CTNNA3: variants seen among roughly 807,000 people sequenced by gnomAD.
CTNNA3 encodes the protein catenin alpha-3.
A neutral mutation model predicts 95.7 loss-of-function variants in CTNNA3; 76 were observed. The ratio of observed to expected loss-of-function variants is 0.79; its 90% CI spans 0.66 to 0.96. CTNNA3 has a LOEUF of 0.96. Ranked by LOEUF, CTNNA3 falls within the 40% of genes least tolerant of loss-of-function variation. CTNNA3 has a pLI of 0.00. For missense variants in CTNNA3, 1,191 were observed against 1,089.8 expected (o/e 1.09, Z -1.31); for synonymous variants, 431 against 374.4 (o/e 1.15, Z -1.74).
chr10:66,129,354 G>A (rs137977557), intron 13 of CTNNA3, among the ~76,000 whole-genome samples: 1 of 152,302 alleles, frequency 6.6e-6, no homozygotes, highest in East Asian at 1.9e-4. Context: ...CTGGCAGGAT[G>A]AAATTCCTCA....
At chr10:66,000,509 T>A (rs986422404) in intron 15 of CTNNA3, among the ~76,000 whole-genome samples, 4 of 152,178 alleles carry the variant, frequency 2.6e-5, no homozygotes, top group African/African-American at 9.6e-5. Context: ...AACAGAAAGT[T>A]TAATTATATT....
intron 12 of CTNNA3, among the ~76,000 whole-genome samples, chr10:66,367,222 T>C (rs187590250): frequency 1.3e-5 from 2 of 152,206 alleles, no homozygotes; most frequent in East Asian, 3.9e-4. Flanking sequence ...CCCCTAAACA[T>C]TGTAAACAAG....
chr10:66,884,478 C>T (rs927039093), intron 7 of CTNNA3, among the ~76,000 whole-genome samples: 1 of 152,184 alleles, frequency 6.6e-6, no homozygotes, highest in South Asian at 2.1e-4. Flanking sequence ...ATTTCACAAA[C>T]CCCATGGGGA....
rs138500276 is a variant in CTNNA3, at chr10:66,309,502, C to A, written c.1733-28881G>T. Among the ~76,000 whole-genome samples, 3 of 151,214 alleles carry A rather than the reference C, an allele frequency of 2.0e-5. No homozygotes were observed. The East Asian group carries it at 5.9e-4, about 30-fold the overall frequency. On this transcript the variant is annotated intron_variant, in intron 12 of 17. Coordinates refer to ENST00000433211, the MANE Select transcript of CTNNA3 (RefSeq NM_013266.4). Reference sequence around the variant, plus strand: ...GGTCAGGAGATCGAGACCATCCTGGCTAACACTGTGAAACCCCATCTACCA... The same window carrying A: ...GGTCAGGAGATCGAGACCATCCTGGATAACACTGTGAAACCCCATCTACCA...
At chr10:67,755,000 C>A (rs550105062) in intron 1 of CTNNA3, among the ~76,000 whole-genome samples, 1 of 152,030 alleles carries the variant, frequency 6.6e-6, no homozygotes, top group African/African-American at 2.4e-5. Flanking sequence ...AAGTTTGAGA[C>A]CAGCCTGGAA....
chr10:66,342,054 C>G (rs543531302), intron 12 of CTNNA3, among the ~76,000 whole-genome samples: 5 of 151,968 alleles, frequency 3.3e-5, no homozygotes, highest in African/African-American at 1.2e-4. Context: ...ATAACTTACA[C>G]AAGATCACAC....
chr10:67,471,252 A>G (rs1847811300), intron 5 of CTNNA3, among the ~76,000 whole-genome samples: 1 of 152,222 alleles, frequency 6.6e-6, no homozygotes, highest in South Asian at 2.1e-4. Context: ...TTTAAACACA[A>G]TATAACAACC....
In CTNNA3 at chr10:67,237,143, T is replaced by C. The variant is rs1357822021; in HGVS notation, c.580-17273A>G. On this transcript the variant is annotated intron_variant, in intron 5 of 17. Coordinates refer to ENST00000433211, the MANE Select transcript of CTNNA3 (RefSeq NM_013266.4). ...TGGTGTATGTATATATATATATATA[T>C]ATATATATATATATATATATATATA... 0.013 allele frequency among the ~76,000 whole-genome samples: 860 copies of C among 68,536 alleles called. 88 individuals are homozygous for C. The East Asian group carries it at 0.14, about 11-fold the overall frequency. 45.0% of individuals were successfully genotyped at this position (68,536 alleles called of 152,430 possible). A position where few individuals can be genotyped will look rare whatever the true frequency, so the allele number is the denominator to read the frequency against.
At chr10:66,472,240 A>T (rs912626255) in intron 11 of CTNNA3, among the ~76,000 whole-genome samples, 7 of 151,424 alleles carry the variant, frequency 4.6e-5, no homozygotes, top group African/African-American at 1.7e-4. Flanking sequence ...TTTTTTTAGG[A>T]GAGAAAAGTG....
intron 5 of CTNNA3, among the ~76,000 whole-genome samples, chr10:67,441,338 T>TAA (rs1171378696): frequency 2.6e-5 from 4 of 151,058 alleles, no homozygotes; most frequent in African/African-American, 9.7e-5. Flanking sequence ...AGGGCAAATC[T>TAA]AAGAATTATT....
intron 9 of CTNNA3, among the ~76,000 whole-genome samples, chr10:66,651,573 C>T (rs1845900781): frequency 6.6e-6 from 1 of 152,156 alleles, no homozygotes; most frequent in Non-Finnish European, 1.5e-5. Context: ...GGGCAGTGCT[C>T]CTGCATGGCA....
chr10:66,036,187 T>C (rs2079559677), intron 15 of CTNNA3, among the ~76,000 whole-genome samples: 1 of 152,188 alleles, frequency 6.6e-6, no homozygotes, highest in Non-Finnish European at 1.5e-5. Flanking sequence ...TACTATCTTC[T>C]CCAGTTAATA....
chr10:66,666,297 G>A (rs2132457379), intron 9 of CTNNA3, among the ~76,000 whole-genome samples: 1 of 152,256 alleles, frequency 6.6e-6, no homozygotes, highest in Non-Finnish European at 1.5e-5. Context: ...GAATGAAAGA[G>A]ATGCTAAAAT....
intron 7 of CTNNA3, among the ~76,000 whole-genome samples, chr10:66,840,323 ATCTCTCTC>A (rs71035189): frequency 0.046 from 4,124 of 90,370 alleles, 137 homozygotes; most frequent in Non-Finnish European, 0.06. Flanking sequence ...CCAAGAAGCC[ATCTCTCTC>A]TCTCTCTCTC....
intron 11 of CTNNA3, among the ~76,000 whole-genome samples, chr10:66,441,054 T>G (rs2131786401): frequency 6.6e-6 from 1 of 152,228 alleles, no homozygotes; most frequent in East Asian, 1.9e-4. Context: ...AATATTAGGG[T>G]TGGGTGCCAT....
chr10:66,278,718 G>A (rs1428959891), intron 13 of CTNNA3, among the ~76,000 whole-genome samples: 3 of 151,922 alleles, frequency 2.0e-5, no homozygotes, highest in African/African-American at 4.8e-5. Flanking sequence ...AATGCATTCC[G>A]TACCCTGGTT....
intron 10 of CTNNA3, among the ~76,000 whole-genome samples, chr10:66,564,679 T>C (rs1842652259): frequency 6.6e-6 from 1 of 152,172 alleles, no homozygotes; most frequent in Non-Finnish European, 1.5e-5. Context: ...TATGCTATCA[T>C]ATCCTGACAA....
intron 7 of CTNNA3, among the ~76,000 whole-genome samples, chr10:67,126,888 G>A (rs764563970): frequency 6.6e-6 from 1 of 151,792 alleles, no homozygotes; most frequent in Non-Finnish European, 1.5e-5. Context: ...CCAAGTAAAT[G>A]AGGAACCAAA....
chr10:66,446,369 C>A (rs1166678072), intron 11 of CTNNA3, among the ~76,000 whole-genome samples: 1 of 139,054 alleles, frequency 7.2e-6, no homozygotes, highest in Non-Finnish European at 1.6e-5. Flanking sequence ...GAGACACAAC[C>A]AAAAAAGGTA....
Sources: allele counts gnomAD v4.1 joint callset (sites outside exome capture counted in the v4.1 genomes callset), GRCh38; gene constraint gnomAD v4.1.1; transcripts MANE v1.5; gene names NCBI Gene and HGNC (gene_info 2026-07-23, HGNC 2026-07-21).